Variants in TTBK2 observed in about 807,000 individuals in gnomAD.
TTBK2 encodes tau tubulin kinase 2.
Under a neutral mutation model 110.8 loss-of-function variants are expected in TTBK2, and 28 were observed. That is an observed-to-expected ratio of 0.25 (90% CI 0.19 to 0.35). The LOEUF is 0.35. TTBK2 is among the 10% of genes least tolerant of loss of function. The probability of loss-of-function intolerance (pLI) is 1.00; values close to 1 mark genes in which losing one functional copy is unlikely to be tolerated. For missense variants in TTBK2, 1,369 were observed against 1,500.3 expected, an observed-to-expected ratio of 0.91 and a Z score of 1.45; for synonymous variants, 532 against 527.3, an observed-to-expected ratio of 1.01 and a Z score of -0.12.
At chr15:42,765,742 C>T (rs1481136494) in intron 13 of TTBK2, among the ~76,000 whole-genome samples, 1 of 152,124 alleles carries the variant, frequency 6.6e-6, no homozygotes, top group Non-Finnish European at 1.5e-5. Context: ...GGCAGGCCAA[C>T]ATTCAAATTC....
intron 11 of TTBK2, among the ~76,000 whole-genome samples, chr15:42,781,696 T>C (rs1890185291): frequency 6.6e-6 from 1 of 152,144 alleles, no homozygotes; most frequent in South Asian, 2.1e-4. Flanking sequence ...TTTCCTGTTG[T>C]CTTTATGTCA....
intron 9 of TTBK2, among the ~76,000 whole-genome samples, chr15:42,796,406 AAAAG>A (rs962180115): frequency 6.6e-6 from 1 of 152,186 alleles, no homozygotes; most frequent in African/African-American, 2.4e-5. Flanking sequence ...GTCTCAAAAA[AAAAG>A]AGAGAGAGAG....
intron 5 of TTBK2, 125 bp from the exon 6 acceptor site, chr15:42,828,157 AT>A: frequency 1.4e-6 from 1 of 714,158 alleles, no homozygotes; most frequent in African/African-American, 1.8e-5. Flanking sequence ...CAAATATACT[AT>A]TCTAGTAAAT....
intron 1 of TTBK2, among the ~76,000 whole-genome samples, chr15:42,891,636 TC>T (rs1895460660): frequency 6.6e-6 from 1 of 152,146 alleles, no homozygotes; most frequent in Non-Finnish European, 1.5e-5. Context: ...GTAGAGAAGC[TC>T]CCGTGCTTGG....
At chr15:42,869,907 T>C (rs1323033926) in intron 3 of TTBK2, among the ~76,000 whole-genome samples, 7 of 152,114 alleles carry the variant, frequency 4.6e-5, no homozygotes, top group Non-Finnish European at 1.0e-4. Flanking sequence ...CCAGGTGTAG[T>C]GGCTCACACC....
chr15:42,895,756 C>T (rs181227198), intron 1 of TTBK2, among the ~76,000 whole-genome samples: 41 of 152,068 alleles, frequency 2.7e-4, no homozygotes, highest in South Asian at 2.1e-4. Context: ...ACAGGATGGC[C>T]TCGATCTCCT....
intron 3 of TTBK2, among the ~76,000 whole-genome samples, chr15:42,861,338 T>C (rs773022786): frequency 2.6e-5 from 4 of 152,186 alleles, no homozygotes; most frequent in Non-Finnish European, 4.4e-5. Context: ...TATTCTAAGA[T>C]TGGCCACATG....
At chr15:42,759,279 G>C (rs2061989812) in intron 13 of TTBK2, among the ~76,000 whole-genome samples, 2 of 152,230 alleles carry the variant, frequency 1.3e-5, no homozygotes, top group Non-Finnish European at 2.9e-5. Flanking sequence ...AAACCCCTGA[G>C]GAGCTGACCC....
chr15:42,822,355 A>G (rs1892341152), intron 6 of TTBK2, among the ~76,000 whole-genome samples: 1 of 152,224 alleles, frequency 6.6e-6, no homozygotes. Context: ...ATTTTGAAAG[A>G]AAAAGAAAGT....
At position 42,752,737 on chromosome 15, in the gene TTBK2, G is replaced by T. The variant is rs2061884578; in HGVS notation, c.2509C>A (p.Gln837Lys). ...TTCATTATCTCATTATTTTTGTCTT[G>T]ATTTGGCACCACACTAAAAGTCTGT... ...KTQTFSVVPN[Q>K]DKNNEIMKLL... Residue 837 changes from glutamine to lysine, a missense_variant, in exon 14 of 15, where the codon CAA becomes AAA. Physicochemically the swap from Gln to Lys is moderately conservative, Grantham distance 53 (BLOSUM62 1). This residue lies in a region of TTBK2 where 1,097 missense variants were observed against 1,114.7 expected (regional missense o/e 0.98). Transcript: ENST00000267890. 12 of 1,614,076 alleles carry T rather than the reference G, an allele frequency of 7.4e-6. No homozygotes were observed. The highest frequency in any genetic ancestry group is 1.0e-5 in the Non-Finnish European group (12 of 1,180,012).
At chr15:42,856,631 G>T (rs949723345) in intron 3 of TTBK2, among the ~76,000 whole-genome samples, 2 of 152,110 alleles carry the variant, frequency 1.3e-5, no homozygotes, top group African/African-American at 4.8e-5. Flanking sequence ...ATCACTTTGG[G>T]AGGCCGAAAC....
At position 42,745,984 on chromosome 15, in the gene TTBK2, G is replaced by T; in HGVS notation, c.3546C>A (p.Ser1182=). ...GTGACTTGCTTCTCCCCAGATGTGG[G>T]GACGAACTCCTCTGGTCATGGTGGG... is the stretch of plus-strand genomic sequence containing the variant. ...GRPHHDQRSS[S]PHLGRSKSPP... The change falls in exon 15 of 15, where the codon TCC becomes TCA. Residue 1182 remains serine (S), a synonymous_variant. Transcript: ENST00000267890. The T allele has an allele frequency of 6.2e-7, 1 of 1,614,110 alleles. No homozygotes were observed. The highest frequency in any genetic ancestry group is 8.5e-7 in the Non-Finnish European group (1 of 1,180,024).
chr15:42,842,818 T>C (rs1893279180), intron 3 of TTBK2, among the ~76,000 whole-genome samples: 1 of 152,024 alleles, frequency 6.6e-6, no homozygotes, highest in South Asian at 2.1e-4. Context: ...AAAGGGGGTA[T>C]AAGCTAGCAA....
chr15:42,754,729 C>G (rs1415500842), intron 13 of TTBK2, among the ~76,000 whole-genome samples: 3 of 136,108 alleles, frequency 2.2e-5, no homozygotes, highest in Non-Finnish European at 4.8e-5. Context: ...ATCAAGCGGG[C>G]TGGGTGCGGT....
chr15:42,835,782 A>ACATATATCT (rs754908517), intron 4 of TTBK2, among the ~76,000 whole-genome samples: 6,633 of 152,256 alleles, frequency 0.044, 194 homozygotes, highest in Non-Finnish European at 0.061. Context: ...ATATAGATAA[A>ACATATATCT]ATATGCCTTG....
intron 3 of TTBK2, among the ~76,000 whole-genome samples, chr15:42,853,715 C>T (rs1458858850): frequency 6.6e-6 from 1 of 151,996 alleles, no homozygotes; most frequent in Non-Finnish European, 1.5e-5. Flanking sequence ...TCAGATTGAA[C>T]ATACTATGGA....
intron 1 of TTBK2, among the ~76,000 whole-genome samples, chr15:42,888,021 G>A (rs1046182176): frequency 1.3e-5 from 2 of 152,098 alleles, no homozygotes; most frequent in African/African-American, 4.8e-5. Flanking sequence ...GGCATGGTTA[G>A]TGCGGTCAGA....
At chr15:42,907,429 G>A (rs1188849007) in intron 1 of TTBK2, among the ~76,000 whole-genome samples, 1 of 152,178 alleles carries the variant, frequency 6.6e-6, no homozygotes, top group Non-Finnish European at 1.5e-5. Flanking sequence ...ATCAACCTAA[G>A]TGTCTATCCA....
At chr15:42,872,092 T>G (rs566888108) in intron 3 of TTBK2, among the ~76,000 whole-genome samples, 1 of 152,284 alleles carries the variant, frequency 6.6e-6, no homozygotes, top group Non-Finnish European at 1.5e-5. Context: ...GCCCAAGTAG[T>G]AAAACGGACT....
Sources: gnomAD v4.1 joint callset for allele counts (sites outside exome capture counted in the v4.1 genomes callset) on GRCh38, gnomAD v4.1.1 for gene constraint, gnomAD v4.1.1 regional missense constraint, MANE v1.5 for transcripts, NCBI Gene and HGNC (gene_info 2026-07-23, HGNC 2026-07-21) for gene names.